The following SULF1 variants were observed in gnomAD, a reference collection of about 807,000 sequenced individuals.
The protein encoded by SULF1 is extracellular sulfatase Sulf-1.
In SULF1, 46 loss-of-function variants were observed where a neutral mutation model predicts 110.5. The ratio of observed to expected loss-of-function variants is 0.42; its 90% CI spans 0.33 to 0.53. The LOEUF is 0.53. Ranked by LOEUF, SULF1 falls within the 20% of genes least tolerant of loss-of-function variation. The probability of loss-of-function intolerance (pLI) is 0.12; values close to 1 mark genes in which losing one functional copy is unlikely to be tolerated. For synonymous variants in SULF1, 371 were observed against 387.1 expected (o/e 0.96, Z 0.49); for missense variants, 941 against 1,094.2 (o/e 0.86, Z 1.98).
chr8:69,624,224 G>A, intron 15 of SULF1, 27 bp downstream of exon 15: 1 of 1,537,544 alleles, frequency 6.5e-7, no homozygotes. Flanking sequence ...TGTTCACTAG[G>A]GTTGAGTTCA....
rs547317797 is a variant in SULF1, at chr8:69,494,714, A to C, written c.-390-1051A>C. ...TTGATGAGATCTGGATTTCAGGCTT[A>C]GTTTGGTCAAACTGAATTAACTGAG... On this transcript the variant is annotated intron_variant, in intron 1 of 22. Transcript: ENST00000402687. Among the ~76,000 whole-genome samples, 7 of 152,288 alleles carry C rather than the reference A, an allele frequency of 4.6e-5. No homozygotes were observed. The South Asian group carries it at 1.5e-3, about 32-fold the overall frequency.
intron 13 of SULF1, among the ~76,000 whole-genome samples, chr8:69,616,124 ATGTGTATATATATACACACATATATG>A (rs1249701727): frequency 8.5e-4 from 108 of 127,600 alleles, no homozygotes; most frequent in African/African-American, 3.0e-3. Flanking sequence ...TGTATATATA[ATGTGTATATATATACACACATATATG>A]TGTGTGTATA....
intron 19 of SULF1, among the ~76,000 whole-genome samples, chr8:69,635,212 C>T (rs988132110): frequency 2.0e-5 from 3 of 152,176 alleles, no homozygotes; most frequent in Non-Finnish European, 2.9e-5. Context: ...CTATGTGATA[C>T]AACAATGGCA....
chr8:69,475,812 A>T (rs1809280023), intron 1 of SULF1, among the ~76,000 whole-genome samples: 1 of 152,228 alleles, frequency 6.6e-6, no homozygotes, highest in Non-Finnish European at 1.5e-5. Context: ...ATTTAAATAG[A>T]TACAATCTAA....
At chr8:69,617,427 A>C (rs1002350116) in intron 13 of SULF1, among the ~76,000 whole-genome samples, 1 of 25,160 alleles carries the variant, frequency 4.0e-5, no homozygotes, top group African/African-American at 1.2e-4. Flanking sequence ...ATATATATAT[A>C]TATATATGTT....
intron 3 of SULF1, among the ~76,000 whole-genome samples, chr8:69,519,405 A>G (rs956810931): frequency 2.0e-5 from 3 of 152,170 alleles, no homozygotes; most frequent in Non-Finnish European, 4.4e-5. Flanking sequence ...TTACATGAAT[A>G]TCTAAGTGCT....
intron 22 of SULF1, among the ~76,000 whole-genome samples, chr8:69,646,767 A>G (rs1481339783): frequency 6.6e-6 from 1 of 152,060 alleles, no homozygotes; most frequent in African/African-American, 2.4e-5. Flanking sequence ...TTCTTTTATT[A>G]TGGCTGAATT....
At position 69,660,591 on chromosome 8, in the gene SULF1, CT is replaced by C. The variant is rs1426402794; in HGVS notation, c.*2059del. On this transcript the variant is annotated 3_prime_UTR_variant, in exon 23 of 23. Transcript: ENST00000402687. ...CAAGTGCTTAGATAAATTATGTTTT[CT>C]TTAAGTGTTTATGGTAAACTCTTTT... The C allele has an allele frequency of 3.3e-5, 5 of 152,530 alleles. No homozygotes were observed. The highest frequency in any genetic ancestry group is 1.2e-4 in the African/African-American group (5 of 41,418). The allele number at this position is 152,530 out of a possible 1,614,324, so 9.4% of individuals were successfully genotyped here. A position where few individuals can be genotyped will look rare whatever the true frequency, so the allele number is the denominator to read the frequency against.
intron 1 of SULF1, among the ~76,000 whole-genome samples, chr8:69,484,192 A>G (rs1809609554): frequency 6.6e-6 from 1 of 152,164 alleles, no homozygotes; most frequent in Non-Finnish European, 1.5e-5. Context: ...CCTCATATTT[A>G]GTAATTTTTA....
intron 19 of SULF1, among the ~76,000 whole-genome samples, chr8:69,630,155 A>G (rs1383626194): frequency 2.0e-5 from 3 of 152,246 alleles, no homozygotes; most frequent in African/African-American, 7.2e-5. Context: ...CAGTACCAGC[A>G]CTAGACTTGT....
chr8:69,634,900 C>T (rs561709047), intron 19 of SULF1, among the ~76,000 whole-genome samples: 9 of 152,286 alleles, frequency 5.9e-5, no homozygotes, highest in African/African-American at 2.2e-4. Context: ...CTCCGCCTCC[C>T]GGGTTCAAGT....
chr8:69,656,294 T>C (rs1812723308), intron 22 of SULF1, among the ~76,000 whole-genome samples: 1 of 152,238 alleles, frequency 6.6e-6, no homozygotes, highest in South Asian at 2.1e-4. Flanking sequence ...TTCCACTTTA[T>C]TTTTGTTGTT....
intron 22 of SULF1, among the ~76,000 whole-genome samples, chr8:69,656,722 T>C (rs1012612395): frequency 3.9e-5 from 6 of 152,246 alleles, no homozygotes; most frequent in Admixed American, 3.9e-4. Context: ...CAGTCTATCA[T>C]TGATGGGCAT....
chr8:69,512,723 C>A (rs13250242), intron 3 of SULF1, among the ~76,000 whole-genome samples: 4 of 151,828 alleles, frequency 2.6e-5, no homozygotes, highest in East Asian at 1.9e-4. Flanking sequence ...TCACCTCCCC[C>A]CTCTTAACTT....
At chr8:69,585,673 A>G (rs926992645) in intron 6 of SULF1, among the ~76,000 whole-genome samples, 8 of 152,212 alleles carry the variant, frequency 5.3e-5, no homozygotes, top group Non-Finnish European at 1.0e-4. Flanking sequence ...CTACTATACT[A>G]TAATTGTATG....
intron 3 of SULF1, among the ~76,000 whole-genome samples, chr8:69,542,455 C>T (rs951396085): frequency 6.6e-6 from 1 of 151,868 alleles, no homozygotes; most frequent in Non-Finnish European, 1.5e-5. Flanking sequence ...CAGAAAGGTA[C>T]GAGATATGGC....
chr8:69,626,474 CA>C (rs1392251372), intron 15 of SULF1, among the ~76,000 whole-genome samples: 1 of 152,268 alleles, frequency 6.6e-6, no homozygotes, highest in African/African-American at 2.4e-5. Context: ...AGTCCCGCGC[CA>C]TGCGCTCGCA....
chr8:69,630,700 C>G lies in SULF1; in HGVS notation c.2284+1021C>G, dbSNP rs1311804778. Among the ~76,000 whole-genome samples the G allele has an allele frequency of 5.3e-5, 8 of 152,122 alleles. No individual in the cohort carries two copies. The Middle Eastern group carries it at 0.01, about 194-fold the overall frequency. ...CAGTAACTGGGGACGCAACATCTAGCAAGACACTTTATTTTCTGTGCTCAT... is the reference window on the plus strand; with the variant it reads ...CAGTAACTGGGGACGCAACATCTAGGAAGACACTTTATTTTCTGTGCTCAT... On this transcript the variant is annotated intron_variant, in intron 19 of 22. Transcript: ENST00000402687.
chr8:69,491,789 T>C (rs1809954311), upstream of SULF1, among the ~76,000 whole-genome samples: 1 of 152,204 alleles, frequency 6.6e-6, no homozygotes, highest in African/African-American at 2.4e-5. Context: ...TGCAGGGCCC[T>C]GTCCTGGGCC....
Sources: allele counts gnomAD v4.1 joint callset (sites outside exome capture counted in the v4.1 genomes callset), GRCh38; gene constraint gnomAD v4.1.1; transcripts MANE v1.5; gene names NCBI Gene and HGNC (gene_info 2026-07-23, HGNC 2026-07-21).